PVT1: variants seen among roughly 807,000 people sequenced by gnomAD.
PVT1 encodes the protein CXCR4/PVT1 fusion.
chr8:127,844,212 C>A (rs1815005660), intron 2 of PVT1, among the ~76,000 whole-genome samples: 1 of 152,102 alleles, frequency 6.6e-6, no homozygotes. Context: ...TCTTGATCTC[C>A]TGGCATGTCT....
At chr8:127,971,074 A>G (rs527734081) in intron 3 of PVT1, among the ~76,000 whole-genome samples, 2 of 152,382 alleles carry the variant, frequency 1.3e-5, no homozygotes, top group South Asian at 2.1e-4. Context: ...GCCTGCAAAA[A>G]GCCTAAAATA....
chr8:127,838,572 G>T (rs1814934159), intron 2 of PVT1, among the ~76,000 whole-genome samples: 1 of 152,152 alleles, frequency 6.6e-6, no homozygotes, highest in Non-Finnish European at 1.5e-5. Context: ...GGGTGTGCTG[G>T]CAGGCACCTG....
chr8:127,817,542 TATATAC>T (rs1338794441), intron 2 of PVT1, among the ~76,000 whole-genome samples: 8 of 110,322 alleles, frequency 7.3e-5, no homozygotes, highest in South Asian at 3.3e-4. Flanking sequence ...TATATATATA[TATATAC>T]ACACACACAC....
chr8:127,914,550 C>T (rs1815956140), intron 3 of PVT1, among the ~76,000 whole-genome samples: 1 of 152,068 alleles, frequency 6.6e-6, no homozygotes, highest in South Asian at 2.1e-4. Context: ...GTGGGAACAA[C>T]CCAGATGTCC....
At chr8:127,916,198 T>G (rs983271994) in intron 3 of PVT1, among the ~76,000 whole-genome samples, 6 of 152,102 alleles carry the variant, frequency 3.9e-5, no homozygotes, top group African/African-American at 1.4e-4. Flanking sequence ...TTCCCTGGGG[T>G]TTTGTGAGGA....
intron 2 of PVT1, among the ~76,000 whole-genome samples, chr8:127,798,759 C>G (rs988753398): frequency 6.6e-6 from 1 of 151,020 alleles, no homozygotes; most frequent in East Asian, 1.9e-4. Flanking sequence ...GCCTGTAGTC[C>G]TAGCTACTCG....
chr8:127,892,332 C>A (rs1370515470), intron 3 of PVT1, among the ~76,000 whole-genome samples: 1 of 152,206 alleles, frequency 6.6e-6, no homozygotes, highest in Non-Finnish European at 1.5e-5. Context: ...TGAGGAAATG[C>A]ATTTGCCTTG....
intron 4 of PVT1, among the ~76,000 whole-genome samples, chr8:128,008,405 T>C (rs1817272646): frequency 6.6e-6 from 1 of 152,218 alleles, no homozygotes; most frequent in Non-Finnish European, 1.5e-5. Flanking sequence ...TGTACCTTTC[T>C]TCCAATTTAT....
intron 3 of PVT1, among the ~76,000 whole-genome samples, chr8:127,928,237 C>G (rs748232797): frequency 6.6e-6 from 1 of 152,172 alleles, no homozygotes; most frequent in Non-Finnish European, 1.5e-5. Flanking sequence ...TCTGGTCACC[C>G]TGGCCTGCCT....
At chr8:127,952,450 A>T (rs1816516453) in intron 3 of PVT1, among the ~76,000 whole-genome samples, 1 of 152,222 alleles carries the variant, frequency 6.6e-6, no homozygotes, top group African/African-American at 2.4e-5. Flanking sequence ...TACTCAGCAC[A>T]AATTTCCCCA....
At chr8:127,859,151 G>A (rs1037540645) in intron 2 of PVT1, among the ~76,000 whole-genome samples, 1 of 152,026 alleles carries the variant, frequency 6.6e-6, no homozygotes, top group Non-Finnish European at 1.5e-5. Flanking sequence ...GATAAATTGA[G>A]TATTTTCTTC....
At chr8:127,887,372 G>T (rs942563968) in intron 2 of PVT1, among the ~76,000 whole-genome samples, 1 of 152,084 alleles carries the variant, frequency 6.6e-6, no homozygotes, top group Non-Finnish European at 1.5e-5. Flanking sequence ...TGGTCATCAG[G>T]TGCCTAGATT....
chr8:128,089,668 G>C (rs578078450), intron 5 of PVT1, among the ~76,000 whole-genome samples: 210 of 151,194 alleles, frequency 1.4e-3, no homozygotes, highest in African/African-American at 4.9e-3. Flanking sequence ...AGCAGGGTGT[G>C]GGGGGGGTCA....
rs1283922364 is a variant in PVT1, at chr8:127,841,867, A to G, written n.372+45796A>G. 2.0e-5 allele frequency among the ~76,000 whole-genome samples: 3 copies of G among 152,056 alleles called. No individual in the cohort carries two copies. The East Asian group carries it at 5.8e-4, about 30-fold the overall frequency. On this transcript the variant is annotated intron_variant and non_coding_transcript_variant, in intron 2 of 10. Transcript: ENST00000651587. Reference sequence around the variant, plus strand: ...CAGCCTCCCAAGTAGCTGGGACCACAGGTGTGCGCCACTACCCCCAGCTAA... The same window carrying G: ...CAGCCTCCCAAGTAGCTGGGACCACGGGTGTGCGCCACTACCCCCAGCTAA...
rs186453324 is a variant in PVT1 at position 127,985,521 on chromosome 8, G to A, written n.783-3641G>A. Among the ~76,000 whole-genome samples, 3 of 151,940 alleles carry A rather than the reference G, an allele frequency of 2.0e-5. No homozygotes were observed. The East Asian group carries it at 5.8e-4, about 29-fold the overall frequency. On this transcript the variant is annotated intron_variant and non_coding_transcript_variant, in intron 3 of 10. Coordinates refer to ENST00000651587, the Ensembl canonical transcript of PVT1. ...CCCATGTTGACACAGCAACTAACTG[G>A]TGGGGATCAGCTCAGAGCTGGGCAG...
intron 4 of PVT1, among the ~76,000 whole-genome samples, chr8:128,021,999 C>T (rs1482311456): frequency 6.6e-6 from 1 of 152,162 alleles, no homozygotes; most frequent in Non-Finnish European, 1.5e-5. Context: ...TTGCAGTGAG[C>T]CAAGATCATG....
intron 3 of PVT1, among the ~76,000 whole-genome samples, chr8:127,937,615 G>A (rs528920495): frequency 4.2e-4 from 43 of 101,496 alleles, no homozygotes; most frequent in African/African-American, 1.5e-3. Context: ...AGAGACCAAC[G>A]TGGCCTCTCT....
intron 3 of PVT1, among the ~76,000 whole-genome samples, chr8:127,897,682 GAAA>G (rs1312552023): frequency 6.8e-6 from 1 of 146,520 alleles, no homozygotes; most frequent in East Asian, 2.0e-4. Context: ...AAGAAAGAAA[GAAA>G]AAGGAAGGAA....
At chr8:127,804,272 AAAT>A (rs1814501368) in intron 2 of PVT1, among the ~76,000 whole-genome samples, 1 of 152,186 alleles carries the variant, frequency 6.6e-6, no homozygotes, top group Non-Finnish European at 1.5e-5. Context: ...AATTCATAAA[AAAT>A]AATATTTCTT....
Sources: allele counts gnomAD v4.1 joint callset (sites outside exome capture counted in the v4.1 genomes callset), GRCh38; gene constraint gnomAD v4.1.1; transcripts MANE v1.5; gene names NCBI Gene and HGNC (gene_info 2026-07-23, HGNC 2026-07-21).